The following TSHZ2 variants were observed in gnomAD, a reference collection of about 807,000 sequenced individuals.
The protein encoded by TSHZ2 is teashirt zinc finger homeobox 2, also known as teashirt homolog 2.
TSHZ2 carries 21 observed loss-of-function variants against 74.4 expected under a neutral mutation model. That is an observed-to-expected ratio of 0.28 (90% confidence interval 0.20 to 0.41). The LOEUF is 0.41. TSHZ2 is among the 10% of genes least tolerant of loss of function. The pLI is 1.00. For synonymous variants in TSHZ2, 540 were observed against 515.3 expected (o/e 1.05, Z -0.65); for missense variants, 1,244 against 1,293.5 (o/e 0.96, Z 0.59).
intron 2 of TSHZ2, among the ~76,000 whole-genome samples, chr20:53,370,486 C>T (rs1182903276): frequency 6.6e-6 from 1 of 152,210 alleles, no homozygotes; most frequent in Non-Finnish European, 1.5e-5. Flanking sequence ...CAAGGCCAGG[C>T]ATTGTGGCTC....
rs561503627 is a variant in TSHZ2, at chr20:53,486,257, G to A, written c.*9-887G>A. Reference sequence around the variant, plus strand: ...CTTCCATTTTTAGGGCTAATATTCCGTCGCATGTACATATCACATTTGCTT... The same window carrying A: ...CTTCCATTTTTAGGGCTAATATTCCATCGCATGTACATATCACATTTGCTT... On this transcript the variant is annotated intron_variant, in intron 2 of 2. Coordinates refer to ENST00000371497, the MANE Select transcript of TSHZ2 (RefSeq NM_173485.6). 2.6e-5 allele frequency among the ~76,000 whole-genome samples: 4 copies of A among 152,208 alleles called. No homozygotes were observed. The South Asian group carries it at 6.2e-4, about 24-fold the overall frequency.
chr20:53,146,018 G>T (rs1987531409), intron 1 of TSHZ2, among the ~76,000 whole-genome samples: 1 of 152,184 alleles, frequency 6.6e-6, no homozygotes, highest in Admixed American at 6.5e-5. Context: ...CTTCAGGAAA[G>T]GGTGGATCCA....
At chr20:53,078,668 A>T (rs1985440671) in intron 1 of TSHZ2, among the ~76,000 whole-genome samples, 1 of 152,190 alleles carries the variant, frequency 6.6e-6, no homozygotes, top group South Asian at 2.1e-4. Flanking sequence ...TACTGTGATA[A>T]TCAGGTGACA....
chr20:53,154,311 T>C (rs1226586744), intron 1 of TSHZ2, among the ~76,000 whole-genome samples: 1 of 146,356 alleles, frequency 6.8e-6, no homozygotes, highest in East Asian at 1.9e-4. Flanking sequence ...TTTTAAGAAG[T>C]AAATGTTTTT....
Position 53,232,312 on chromosome 20 carries a change from G to A in TSHZ2, c.41-21187G>A, listed in dbSNP as rs6097314. On this transcript the variant is annotated intron_variant, in intron 1 of 2. Transcript: ENST00000371497. ...CACTGGATCCTCATCTAATTCACAC[G>A]TTTATTTTTGCATTTAATCATCTAA... 5.0e-3 allele frequency among the ~76,000 whole-genome samples: 759 copies of A among 152,210 alleles called. 11 individuals are homozygous for A. The highest frequency in any genetic ancestry group is 0.018 in the African/African-American group (735 of 41,534).
intron 1 of TSHZ2, among the ~76,000 whole-genome samples, chr20:53,056,704 C>T (rs1019958712): frequency 1.3e-5 from 2 of 152,202 alleles, no homozygotes; most frequent in African/African-American, 4.8e-5. Flanking sequence ...TCACCTCATG[C>T]ATTTTACCTG....
At chr20:53,238,622 C>A (rs1462532182) in intron 1 of TSHZ2, among the ~76,000 whole-genome samples, 3 of 152,072 alleles carry the variant, frequency 2.0e-5, no homozygotes, top group African/African-American at 7.2e-5. Context: ...GATATTTAAA[C>A]ACACAGACAT....
chr20:53,454,123 G>C (rs889954394), intron 2 of TSHZ2, among the ~76,000 whole-genome samples: 3 of 152,070 alleles, frequency 2.0e-5, no homozygotes, highest in Admixed American at 6.6e-5. Flanking sequence ...AAAATTCCAG[G>C]CTTCACCAAC....
chr20:53,357,049 A>G (rs1040875512), intron 2 of TSHZ2, among the ~76,000 whole-genome samples: 2 of 152,206 alleles, frequency 1.3e-5, no homozygotes, highest in African/African-American at 4.8e-5. Flanking sequence ...CCTAAAACAC[A>G]AAAATCAAAA....
chr20:53,209,935 T>C (rs1989260215), intron 1 of TSHZ2, among the ~76,000 whole-genome samples: 1 of 152,194 alleles, frequency 6.6e-6, no homozygotes, highest in Non-Finnish European at 1.5e-5. Context: ...ACCTACTTCC[T>C]AGGCAGTGGC....
At chr20:53,246,036 C>CT (rs201257665) in intron 1 of TSHZ2, among the ~76,000 whole-genome samples, 5,229 of 126,516 alleles carry the variant, frequency 0.041, 195 homozygotes, top group East Asian at 0.21. Flanking sequence ...TTCTTTCTTT[C>CT]TTTCTTTTTT....
chr20:53,367,915 C>A (rs1403399997), intron 2 of TSHZ2, among the ~76,000 whole-genome samples: 1 of 151,992 alleles, frequency 6.6e-6, no homozygotes, highest in African/African-American at 2.4e-5. Flanking sequence ...TAATGAAAAC[C>A]AAGGATAAAT....
intron 1 of TSHZ2, among the ~76,000 whole-genome samples, chr20:53,241,800 A>T (rs56084628): frequency 0.018 from 2,753 of 152,238 alleles, 96 homozygotes; most frequent in African/African-American, 0.063. Flanking sequence ...ACCGAGCCCC[A>T]CACAAGTTGT....
intron 1 of TSHZ2, among the ~76,000 whole-genome samples, chr20:53,221,484 G>A (rs1989555951): frequency 6.6e-6 from 1 of 152,240 alleles, no homozygotes; most frequent in Admixed American, 6.5e-5. Flanking sequence ...TTTCTGATCA[G>A]GCTACAGGAA....
At chr20:53,215,026 G>A (rs982500614) in intron 1 of TSHZ2, among the ~76,000 whole-genome samples, 5 of 152,150 alleles carry the variant, frequency 3.3e-5, no homozygotes, top group African/African-American at 7.2e-5. Context: ...CACTGAGATC[G>A]GGCACACCAG....
chr20:53,464,174 A>G (rs1308925500), intron 2 of TSHZ2, among the ~76,000 whole-genome samples: 1 of 152,188 alleles, frequency 6.6e-6, no homozygotes, highest in Non-Finnish European at 1.5e-5. Context: ...AACTCTGGAG[A>G]CTGTTGCACA....
rs564253978 is a variant in TSHZ2, at chr20:53,315,476, T to C, written c.*8+58905T>C. The stretch of plus-strand genomic sequence containing the variant: ...ATTACCTCTTTCTGAACTTTGTGTA[T>C]AGGCGTGCTTGCCTTTGGTTGTTGT... On this transcript the variant is annotated intron_variant, in intron 2 of 2. Coordinates refer to ENST00000371497, the MANE Select transcript of TSHZ2 (RefSeq NM_173485.6). Among the ~76,000 whole-genome samples the C allele has an allele frequency of 5.3e-5, 8 of 152,368 alleles. No homozygotes were observed. In the East Asian group the frequency reaches 1.5e-3, roughly 29 times the overall value.
intron 2 of TSHZ2, among the ~76,000 whole-genome samples, chr20:53,476,534 C>T (rs1265703624): frequency 2.1e-4 from 31 of 148,446 alleles, no homozygotes; most frequent in East Asian, 1.2e-3. Context: ...CTATCTATGA[C>T]AAACCCACAG....
intron 1 of TSHZ2, among the ~76,000 whole-genome samples, chr20:53,039,234 T>C (rs6013615): frequency 0.089 from 13,523 of 151,996 alleles, 759 homozygotes; most frequent in African/African-American, 0.15. Flanking sequence ...AGTGACTTCA[T>C]CCACTTTGGA....
Sources: gnomAD v4.1 joint callset for allele counts (sites outside exome capture counted in the v4.1 genomes callset) on GRCh38, gnomAD v4.1.1 for gene constraint, MANE v1.5 for transcripts, NCBI Gene and HGNC (gene_info 2026-07-23, HGNC 2026-07-21) for gene names.